The following TBC1D5 variants were observed in gnomAD, a reference collection of about 807,000 sequenced individuals.
TBC1D5 encodes the protein TBC1 domain family member 5, also known as TBC1 domain family, member 5.
In TBC1D5, 75 loss-of-function variants were observed where a neutral mutation model predicts 100.3. That is an observed-to-expected ratio of 0.75 (90% CI 0.62 to 0.91). The LOEUF (loss-of-function observed/expected upper bound fraction) is 0.91. Ranked by LOEUF, TBC1D5 falls within the 40% of genes least tolerant of loss-of-function variation. TBC1D5 has a pLI of 0.00. For synonymous variants in TBC1D5, 323 were observed against 325.6 expected (o/e 0.99, Z 0.09); for missense variants, 910 against 942.4 (o/e 0.97, Z 0.45).
chr3:17,498,268 T>TG (rs2095740553), intron 3 of TBC1D5, among the ~76,000 whole-genome samples: 1 of 151,954 alleles, frequency 6.6e-6, no homozygotes, highest in Non-Finnish European at 1.5e-5. Flanking sequence ...TAGTATTGTA[T>TG]GAAAAAAAAA....
chr3:17,673,693 A>T (rs754219396), intron 1 of TBC1D5, among the ~76,000 whole-genome samples: 16 of 152,194 alleles, frequency 1.1e-4, no homozygotes, highest in Non-Finnish European at 2.2e-4. Flanking sequence ...GTTTTACAAT[A>T]TTCTTACCTG....
chr3:17,703,753 A>C (rs1329772148), intron 1 of TBC1D5, among the ~76,000 whole-genome samples: 1 of 152,182 alleles, frequency 6.6e-6, no homozygotes, highest in African/African-American at 2.4e-5. Context: ...TACATATGAG[A>C]GTCTGGGAAT....
intron 3 of TBC1D5, among the ~76,000 whole-genome samples, chr3:17,506,954 T>C (rs2095851193): frequency 6.6e-6 from 1 of 152,130 alleles, no homozygotes; most frequent in Admixed American, 6.5e-5. Flanking sequence ...AGGCACAGCT[T>C]GCAGTGAGCC....
intron 3 of TBC1D5, among the ~76,000 whole-genome samples, chr3:17,454,045 A>T (rs1269591391): frequency 6.6e-6 from 1 of 152,212 alleles, no homozygotes; most frequent in African/African-American, 2.4e-5. Context: ...CTGAAAAAGC[A>T]TCTGATAAAG....
chr3:17,602,151 G>A (rs376636844), intron 2 of TBC1D5, among the ~76,000 whole-genome samples: 42 of 152,216 alleles, frequency 2.8e-4, no homozygotes, highest in African/African-American at 9.6e-4. Context: ...ATTAACTCAG[G>A]TTTGTGATAT....
chr3:17,249,813 G>A (rs2077038652), intron 16 of TBC1D5, among the ~76,000 whole-genome samples: 1 of 152,182 alleles, frequency 6.6e-6, no homozygotes, highest in Admixed American at 6.5e-5. Flanking sequence ...CCAGTTGGTG[G>A]AGCAGTCAGA....
At chr3:17,418,281 C>A (rs541259646) in intron 4 of TBC1D5, among the ~76,000 whole-genome samples, 9 of 152,120 alleles carry the variant, frequency 5.9e-5, no homozygotes, top group Non-Finnish European at 1.3e-4. Flanking sequence ...AGATTTTTAA[C>A]CCTCAGTTAA....
intron 14 of TBC1D5, among the ~76,000 whole-genome samples, chr3:17,293,635 T>C (rs1378724375): frequency 6.6e-6 from 1 of 152,214 alleles, no homozygotes; most frequent in Non-Finnish European, 1.5e-5. Flanking sequence ...AAAAATTTAT[T>C]TGACTGCTTT....
intron 19 of TBC1D5, among the ~76,000 whole-genome samples, chr3:17,170,554 G>A (rs1220233689): frequency 2.0e-5 from 3 of 152,138 alleles, no homozygotes; most frequent in Non-Finnish European, 4.4e-5. Context: ...ATCCTAAAAC[G>A]AAAAGATGTG....
At chr3:17,415,078 T>C (rs1559837398) in intron 4 of TBC1D5, among the ~76,000 whole-genome samples, 1 of 152,230 alleles carries the variant, frequency 6.6e-6, no homozygotes, top group Non-Finnish European at 1.5e-5. Flanking sequence ...GCCTTCACCT[T>C]AGTTTTCACA....
chr3:17,663,934 A>G (rs1290066492), intron 1 of TBC1D5, among the ~76,000 whole-genome samples: 1 of 152,228 alleles, frequency 6.6e-6, no homozygotes, highest in Non-Finnish European at 1.5e-5. Context: ...GATGCAAAAA[A>G]AATCCCATTT....
rs776513022 is a variant in TBC1D5 at position 17,380,911 on chromosome 3, C to T, written c.612+3002G>A. ...ATCCCATAACTATTAACAATATGGT[C>T]GATGTTTAACAGGGTGTCACCTAGT... On this transcript the variant is annotated intron_variant, in intron 9 of 21. Transcript: ENST00000253692. 1.2e-4 allele frequency among the ~76,000 whole-genome samples: 19 copies of T among 152,074 alleles called. 1 individual carries two copies. In the South Asian group the frequency reaches 3.1e-3, roughly 25 times the overall value.
intron 18 of TBC1D5, among the ~76,000 whole-genome samples, chr3:17,206,677 G>T (rs1278653705): frequency 6.6e-6 from 1 of 152,178 alleles, no homozygotes; most frequent in Non-Finnish European, 1.5e-5. Context: ...GAGCCTTCAG[G>T]TAAGGGAGTA....
At chr3:17,434,845 C>A (rs976161895) in intron 3 of TBC1D5, among the ~76,000 whole-genome samples, 1 of 152,166 alleles carries the variant, frequency 6.6e-6, no homozygotes, top group East Asian at 1.9e-4. Context: ...TGTCATCCTG[C>A]AAATTTTCCA....
intron 13 of TBC1D5, among the ~76,000 whole-genome samples, chr3:17,337,157 G>T (rs1475765025): frequency 7.3e-6 from 1 of 137,310 alleles, no homozygotes; most frequent in Non-Finnish European, 1.5e-5. Context: ...AGATAACTGG[G>T]CCCTACCCAC....
chr3:17,586,464 A>C (rs2096733680), intron 2 of TBC1D5: 1 of 152,160 alleles, frequency 6.6e-6, no homozygotes, highest in Admixed American at 6.5e-5. Context: ...TCCAAACACA[A>C]GTCTTGGTTT....
intron 8 of TBC1D5, among the ~76,000 whole-genome samples, chr3:17,397,738 A>C (rs1192809403): frequency 1.3e-5 from 2 of 152,196 alleles, no homozygotes; most frequent in East Asian, 3.9e-4. Context: ...GAATAATTAA[A>C]TTATGAATGA....
chr3:17,638,635 A>C (rs906245430), intron 1 of TBC1D5, among the ~76,000 whole-genome samples: 1 of 152,288 alleles, frequency 6.6e-6, no homozygotes, highest in Non-Finnish European at 1.5e-5. Flanking sequence ...TAAAAGTAGT[A>C]CTGTTTTTCA....
intron 2 of TBC1D5, among the ~76,000 whole-genome samples, chr3:17,570,789 C>T (rs934886609): frequency 1.9e-4 from 29 of 151,954 alleles, no homozygotes; most frequent in African/African-American, 6.5e-4. Flanking sequence ...TACAGTTGTT[C>T]ATCCTTCCAT....
Sources: allele counts gnomAD v4.1 joint callset (sites outside exome capture counted in the v4.1 genomes callset), GRCh38; gene constraint gnomAD v4.1.1; transcripts MANE v1.5; gene names NCBI Gene and HGNC (gene_info 2026-07-23, HGNC 2026-07-21).